The following TRPM6 variants were observed in gnomAD, a reference collection of about 807,000 sequenced individuals.
TRPM6 encodes the protein channel kinase 2.
TRPM6 carries 111 observed loss-of-function variants against 247.6 expected under a neutral mutation model. The observed-to-expected ratio is 0.45, with a 90% CI of 0.38 to 0.52. TRPM6 has a LOEUF of 0.52. Ranked by LOEUF, TRPM6 falls within the 20% of genes least tolerant of loss-of-function variation. The pLI is 0.00. For missense variants in TRPM6, 2,126 were observed against 2,421.5 expected (o/e 0.88, Z 2.56); for synonymous variants, 892 against 853.8 (o/e 1.04, Z -0.78).
At chr9:74,757,844 CA>C in intron 27 of TRPM6, among the ~76,000 whole-genome samples, 3 of 151,674 alleles carry the variant, frequency 2.0e-5, no homozygotes, top group East Asian at 3.9e-4. Context: ...ACCTGGGAGG[CA>C]GAGGTTGCAG....
intron 13 of TRPM6, among the ~76,000 whole-genome samples, chr9:74,809,098 T>C (rs1828636463): frequency 2.0e-5 from 3 of 152,186 alleles, no homozygotes; most frequent in South Asian, 2.1e-4. Context: ...TGAAACTCCA[T>C]ACAGGCATAC....
intron 6 of TRPM6, among the ~76,000 whole-genome samples, chr9:74,833,068 A>C (rs1417023320): frequency 1.3e-5 from 2 of 151,920 alleles, no homozygotes; most frequent in African/African-American, 2.4e-5. Context: ...AAAAAAAAAA[A>C]TTTAAAACAA....
At chr9:74,812,241 T>C in intron 12 of TRPM6, 58 bp downstream of exon 12, 1 of 1,609,130 alleles carries the variant, frequency 6.2e-7, no homozygotes, top group Non-Finnish European at 8.5e-7. Flanking sequence ...GTCTGCTTGA[T>C]GATCCTTGCT....
At chr9:74,876,768 A>G (rs917634664) in intron 1 of TRPM6, among the ~76,000 whole-genome samples, 2 of 152,222 alleles carry the variant, frequency 1.3e-5, no homozygotes, top group Non-Finnish European at 2.9e-5. Context: ...GACTAACTAT[A>G]TAAAACGCCC....
chr9:74,808,552 CA>C (rs1828616612), intron 13 of TRPM6, among the ~76,000 whole-genome samples: 1 of 151,968 alleles, frequency 6.6e-6, no homozygotes, highest in Admixed American at 6.6e-5. Flanking sequence ...AAATATTAAA[CA>C]AGTAGAAAAA....
In TRPM6 at chr9:74,762,753, A is replaced by G; in HGVS notation, c.3918T>C (p.Ser1306=). The G allele has an allele frequency of 1.2e-6, 2 of 1,613,744 alleles. No individual in the cohort carries two copies. The highest frequency in any genetic ancestry group is 1.7e-6 in the Non-Finnish European group (2 of 1,179,956). ...QRGALLEITN[S]KREATNVRND... The stretch of plus-strand genomic sequence containing the variant: ...TTCTTACATTTGTAGCCTCTCTTTT[A>G]CTGTTTGTAATCTCAAGAAGTGCCC... The change falls in exon 26 of 39, where the codon AGT becomes AGC. Residue 1306 remains serine, a synonymous_variant. Coordinates refer to ENST00000360774, the MANE Select transcript of TRPM6 (RefSeq NM_017662.5).
At position 74,785,921 on chromosome 9, in the gene TRPM6, C is replaced by G. The variant is rs147374064; in HGVS notation, c.2872G>C (p.Ala958Pro). The G allele has an allele frequency of 6.2e-7, 1 of 1,614,190 alleles. No homozygotes were observed. Among genetic ancestry groups the G allele is most frequent in the Non-Finnish European group, 8.5e-7 (1 of 1,180,040 alleles). The stretch of plus-strand genomic sequence containing the variant: ...TATGGACCTGCATGTTGATTCACAG[C>G]AAAGAAGTCCAGGAGCCGTGAGAAC... ...FWFSRLLDFF[A>P]VNQHAGPYVT... Residue 958 changes from alanine (A) to proline (P), a missense_variant, in exon 21 of 39, where the codon GCT becomes CCT. By Grantham distance (27) the Ala-to-Pro change is conservative. Transcript: ENST00000360774.
intron 33 of TRPM6, among the ~76,000 whole-genome samples, chr9:74,740,236 G>T (rs1825820637): frequency 1.3e-5 from 2 of 152,094 alleles, no homozygotes; most frequent in African/African-American, 2.4e-5. Flanking sequence ...AATATCAGAG[G>T]ATACAAAAGA....
At chr9:74,875,224 T>A in intron 1 of TRPM6, 1 of 456,024 alleles carries the variant, frequency 2.2e-6, no homozygotes, top group Non-Finnish European at 4.4e-6. Context: ...GGCCTGCACC[T>A]TACAGCAACT....
chr9:74,854,162 C>T (rs1047605164), intron 3 of TRPM6, among the ~76,000 whole-genome samples: 1 of 152,048 alleles, frequency 6.6e-6, no homozygotes, highest in East Asian at 1.9e-4. Context: ...ATTTGGCTCT[C>T]CCTATCAAAA....
intron 21 of TRPM6, among the ~76,000 whole-genome samples, chr9:74,783,574 G>A (rs1334089813): frequency 6.6e-6 from 1 of 152,180 alleles, no homozygotes; most frequent in East Asian, 1.9e-4. Context: ...TATGTCACAA[G>A]ACAAAGGGAT....
At chr9:74,845,687 G>A (rs1355786425) in intron 3 of TRPM6, among the ~76,000 whole-genome samples, 1 of 151,678 alleles carries the variant, frequency 6.6e-6, no homozygotes, top group African/African-American at 2.4e-5. Context: ...TAAAAAATTA[G>A]CCCTGTGTGG....
intron 37 of TRPM6, among the ~76,000 whole-genome samples, chr9:74,728,889 T>A (rs924118730): frequency 6.6e-6 from 1 of 152,236 alleles, no homozygotes; most frequent in African/African-American, 2.4e-5. Context: ...TCCTGCAAAC[T>A]GCTAGAGCTG....
intron 3 of TRPM6, among the ~76,000 whole-genome samples, chr9:74,852,780 C>G (rs1021336160): frequency 6.6e-6 from 1 of 152,182 alleles, no homozygotes; most frequent in Non-Finnish European, 1.5e-5. Context: ...GACGGAGTCT[C>G]GCTCACTCAG....
chr9:74,815,249 AT>A (rs888373267), intron 11 of TRPM6, among the ~76,000 whole-genome samples: 1 of 152,106 alleles, frequency 6.6e-6, no homozygotes, highest in African/African-American at 2.4e-5. Context: ...GAAAAGAAAG[AT>A]TTTTTTAACT....
intron 1 of TRPM6, among the ~76,000 whole-genome samples, chr9:74,861,078 C>A (rs1830679297): frequency 6.6e-6 from 1 of 152,074 alleles, no homozygotes; most frequent in Non-Finnish European, 1.5e-5. Context: ...ATCAGTCAGC[C>A]CTGTCCCCTA....
At chr9:74,727,478 C>T (rs962425551) in intron 38 of TRPM6, among the ~76,000 whole-genome samples, 1 of 150,744 alleles carries the variant, frequency 6.6e-6, no homozygotes, top group Non-Finnish European at 1.5e-5. Context: ...CTTTTACTGA[C>T]TTCAAATTCG....
chr9:74,865,748 G>A (rs138360358), intron 1 of TRPM6, among the ~76,000 whole-genome samples: 1 of 152,226 alleles, frequency 6.6e-6, no homozygotes, highest in East Asian at 1.9e-4. Flanking sequence ...TTTTGGAGTG[G>A]CTCATGAAAC....
In TRPM6 at chr9:74,840,221, T is replaced by C. The variant is rs1337063066; in HGVS notation, c.347A>G (p.Tyr116Cys). ...TAACAGATGATCCAGTTTTGTATCATAAGAAGTTCTAATATACTGCAAGAA... is the reference window on the plus strand; with the variant it reads ...TAACAGATGATCCAGTTTTGTATCACAAGAAGTTCTAATATACTGCAAGAA... ...THHAKYIRTS[Y>C]DTKLDHLLHL... Residue 116 changes from tyrosine to cysteine, a missense_variant, in exon 5 of 39, where the codon TAT becomes TGT. This residue lies in a region of TRPM6 where 1,082 missense variants were observed against 1,307.9 expected (regional missense o/e 0.83). Transcript: ENST00000360774. 3.7e-6 allele frequency: 6 copies of C among 1,612,010 alleles called. No homozygotes were observed. The highest frequency in any genetic ancestry group is 3.4e-6 in the Non-Finnish European group (4 of 1,178,220).
Sources: gnomAD v4.1 joint callset for allele counts (sites outside exome capture counted in the v4.1 genomes callset) on GRCh38, gnomAD v4.1.1 for gene constraint, gnomAD v4.1.1 regional missense constraint, MANE v1.5 for transcripts, NCBI Gene and HGNC (gene_info 2026-07-23, HGNC 2026-07-21) for gene names.